CTBP2: variants seen among roughly 807,000 people sequenced by gnomAD.
CTBP2 encodes the protein C-terminal-binding protein 2.
In CTBP2, 30 loss-of-function variants were observed where a neutral mutation model predicts 80.3. That is an observed-to-expected ratio of 0.37 (90% confidence interval 0.28 to 0.51). CTBP2 has a LOEUF of 0.51. Among genes scored for constraint, CTBP2 ranks in the 20% least tolerant of loss-of-function variants. The pLI is 0.93. For missense variants in CTBP2, 1,212 were observed against 1,375.3 expected (o/e 0.88, Z 1.88); for synonymous variants, 594 against 587.4 (o/e 1.01, Z -0.16).
intron 8 of CTBP2, among the ~76,000 whole-genome samples, chr10:124,990,139 G>T (rs1406405381): frequency 6.6e-6 from 1 of 151,778 alleles, no homozygotes; most frequent in African/African-American, 2.4e-5. Context: ...CTGCCTCCTG[G>T]GTTAAAGTGA....
intron 1 of CTBP2, among the ~76,000 whole-genome samples, chr10:125,114,307 C>T (rs949729176): frequency 1.3e-5 from 2 of 152,132 alleles, no homozygotes; most frequent in Non-Finnish European, 1.5e-5. Flanking sequence ...CATCAACCTG[C>T]GTGAACTTAT....
intron 1 of CTBP2, among the ~76,000 whole-genome samples, chr10:125,014,973 C>G (rs1956322906): frequency 6.6e-6 from 1 of 152,186 alleles, no homozygotes; most frequent in Admixed American, 6.5e-5. Flanking sequence ...ACCCAAGCTC[C>G]CCGTACCAGG....
chr10:125,139,569 G>A, intron 1 of CTBP2, among the ~76,000 whole-genome samples: 1 of 151,748 alleles, frequency 6.6e-6, no homozygotes, highest in South Asian at 2.1e-4. Flanking sequence ...CCTGTTTTTT[G>A]GACTCTGGGA....
intron 3 of CTBP2, among the ~76,000 whole-genome samples, chr10:125,036,707 G>T (rs1564769877): frequency 3.8e-5 from 4 of 103,910 alleles, no homozygotes; most frequent in African/African-American, 2.1e-4. Flanking sequence ...GTGTGTGTGT[G>T]TGTGTGTGTT....
chr10:125,078,267 G>A (rs897406334), intron 2 of CTBP2, among the ~76,000 whole-genome samples: 15 of 139,002 alleles, frequency 1.1e-4, no homozygotes, highest in Admixed American at 9.5e-4. Context: ...GCGACAGAGC[G>A]AGACTCCGTC....
At chr10:125,016,271 G>A (rs1956476035) in intron 1 of CTBP2, among the ~76,000 whole-genome samples, 1 of 152,150 alleles carries the variant, frequency 6.6e-6, no homozygotes, top group Non-Finnish European at 1.5e-5. Context: ...AGCGAGCCGA[G>A]TGCCACTGCC....
chr10:125,078,780 GTTCT>G (rs1198928052), intron 2 of CTBP2, among the ~76,000 whole-genome samples: 1 of 152,014 alleles, frequency 6.6e-6, no homozygotes, highest in East Asian at 1.9e-4. Flanking sequence ...CAATAATAAT[GTTCT>G]TTCTTTTTCC....
intron 1 of CTBP2, among the ~76,000 whole-genome samples, chr10:125,113,938 A>G (rs532250167): frequency 1.3e-5 from 2 of 152,332 alleles, no homozygotes; most frequent in African/African-American, 4.8e-5. Flanking sequence ...CAGAATTTTA[A>G]AGCAAGTGCT....
chr10:125,082,077 C>T (rs935035377), intron 2 of CTBP2, among the ~76,000 whole-genome samples: 4 of 152,224 alleles, frequency 2.6e-5, no homozygotes, highest in East Asian at 1.9e-4. Context: ...AGAACCAGCC[C>T]GTGGGCAAGG....
At chr10:125,023,395 T>C (rs1339742405) in intron 1 of CTBP2, among the ~76,000 whole-genome samples, 1 of 152,178 alleles carries the variant, frequency 6.6e-6, no homozygotes, top group Admixed American at 6.5e-5. Context: ...CGCAGCCCCA[T>C]TCGTTCGTTG....
At chr10:125,142,726 G>C (rs1858046845) in intron 1 of CTBP2, among the ~76,000 whole-genome samples, 1 of 152,156 alleles carries the variant, frequency 6.6e-6, no homozygotes, top group East Asian at 1.9e-4. Flanking sequence ...CGGCCCCCAA[G>C]AGCTTTGCAA....
chr10:125,137,842 G>A (rs766496654), intron 1 of CTBP2, among the ~76,000 whole-genome samples: 7 of 152,090 alleles, frequency 4.6e-5, no homozygotes, highest in African/African-American at 9.7e-5. Context: ...ACACCAAAAC[G>A]TTTTTATTCT....
At chr10:125,147,824 G>A (rs1859062286) in intron 1 of CTBP2, among the ~76,000 whole-genome samples, 1 of 152,014 alleles carries the variant, frequency 6.6e-6, no homozygotes, top group Non-Finnish European at 1.5e-5. Context: ...TTGAACCCGG[G>A]AGGTCGAGGC....
intron 1 of CTBP2, among the ~76,000 whole-genome samples, chr10:125,132,097 GGCCAA>G (rs1396242191): frequency 6.6e-6 from 1 of 152,182 alleles, no homozygotes; most frequent in Non-Finnish European, 1.5e-5. Flanking sequence ...AGAAAAGAGA[GGCCAA>G]CAACTCTAGA....
upstream of CTBP2, among the ~76,000 whole-genome samples, chr10:125,031,488 CAAAAAAA>C (rs11463934): frequency 6.0e-3 from 203 of 33,700 alleles, 1 homozygote; most frequent in African/African-American, 0.021. Flanking sequence ...GACTCCATTT[CAAAAAAA>C]AAAAAAAAAA....
intron 8 of CTBP2, among the ~76,000 whole-genome samples, chr10:124,991,440 G>A (rs1952600952): frequency 6.6e-6 from 1 of 152,216 alleles, no homozygotes; most frequent in Non-Finnish European, 1.5e-5. Flanking sequence ...GGGGAATCTG[G>A]TGCTGTGATA....
upstream of CTBP2, among the ~76,000 whole-genome samples, chr10:125,028,821 T>G (rs182949671): frequency 6.6e-6 from 1 of 152,366 alleles, no homozygotes; most frequent in African/African-American, 2.4e-5. Flanking sequence ...CCAGCAGGCT[T>G]AGATCCTGCA....
At chr10:125,004,000 G>C (rs2134288257) in intron 1 of CTBP2, among the ~76,000 whole-genome samples, 1 of 152,338 alleles carries the variant, frequency 6.6e-6, no homozygotes, top group Non-Finnish European at 1.5e-5. Context: ...AGGTATGCCT[G>C]AGGGCAGGAG....
Position 125,027,369 on chromosome 10 carries a change from C to T in CTBP2, c.391G>A (p.Gly131Arg), listed in dbSNP as rs376065411. The T allele has an allele frequency of 1.9e-5, 31 of 1,613,494 alleles. No individual in the cohort carries two copies. The highest frequency in any genetic ancestry group is 5.9e-6 in the Non-Finnish European group (7 of 1,180,010). Residue 131 changes from glycine to arginine, a missense_variant, in exon 1 of 9, where the codon GGA becomes AGA. This residue lies in a region of CTBP2 where 848 missense variants were observed against 782.3 expected (regional missense o/e 1.08). Transcript: ENST00000309035. ...TAGCTGGGGACCGGCCGGCTGACTC[C>T]TGGGTCCCGATAGAGGGGAGGCTCT...
Sources: gnomAD v4.1 joint callset for allele counts (sites outside exome capture counted in the v4.1 genomes callset) on GRCh38, gnomAD v4.1.1 for gene constraint, gnomAD v4.1.1 regional missense constraint, MANE v1.5 for transcripts, NCBI Gene and HGNC (gene_info 2026-07-23, HGNC 2026-07-21) for gene names.